WNT3A: variants seen among roughly 807,000 people sequenced by gnomAD.
WNT3A encodes the protein protein Wnt-3a.
In WNT3A, 17 loss-of-function variants were observed where a neutral mutation model predicts 37.0. That is an observed-to-expected ratio of 0.46 (90% CI 0.31 to 0.69). The LOEUF is 0.69. Among genes scored for constraint, WNT3A ranks in the 30% least tolerant of loss-of-function variants. WNT3A has a pLI of 0.05. For synonymous variants in WNT3A, 187 were observed against 211.0 expected, an observed-to-expected ratio of 0.89 and a Z score of 0.99; for missense variants, 411 against 510.2, an observed-to-expected ratio of 0.81 and a Z score of 1.87.
intron 2 of WNT3A, among the ~76,000 whole-genome samples, chr1:228,026,028 G>C (rs2030846954): frequency 6.6e-6 from 1 of 151,914 alleles, no homozygotes; most frequent in Non-Finnish European, 1.5e-5. Context: ...CAAAGTGCTG[G>C]GGTTACAGGC....
chr1:228,059,514 G>A lies in WNT3A; in HGVS notation c.*49G>A. The A allele has an allele frequency of 1.4e-5, 20 of 1,461,334 alleles. No individual in the cohort carries two copies. Among genetic ancestry groups the A allele is most frequent in the Non-Finnish European group, 1.8e-5 (20 of 1,114,056 alleles). The allele number at this position is 1,461,334 out of a possible 1,614,324, so 90.5% of individuals were successfully genotyped here. On this transcript the variant is annotated 3_prime_UTR_variant, in exon 4 of 4. Transcript: ENST00000284523. Reference sequence around the variant, plus strand: ...ACGGGGCGGGCCCTGCCTGAGGGTGGGCTTTTCCCTGGGTGGAGCAGGACT... The same window carrying A: ...ACGGGGCGGGCCCTGCCTGAGGGTGAGCTTTTCCCTGGGTGGAGCAGGACT...
chr1:228,030,085 TA>T (rs34498453), intron 2 of WNT3A, among the ~76,000 whole-genome samples: 25,589 of 151,216 alleles, frequency 0.17, 3,058 homozygotes, highest in African/African-American at 0.34. Context: ...ACCCTGTCTC[TA>T]AAAAAATATA....
At chr1:228,055,151 T>C (rs1337874030) in intron 3 of WNT3A, among the ~76,000 whole-genome samples, 4 of 65,456 alleles carry the variant, frequency 6.1e-5, no homozygotes, top group African/African-American at 2.2e-4. Flanking sequence ...TTTTGGAAAC[T>C]CCGTCCCAAA....
Position 228,059,738 on chromosome 1 carries a change from A to G in WNT3A, c.*273A>G. On this transcript the variant is annotated 3_prime_UTR_variant, in exon 4 of 4. Coordinates refer to ENST00000284523, the MANE Select transcript of WNT3A (RefSeq NM_033131.4). ...GCTCTGCGTTGGCTTCTCCCTGGGG[A>G]CGGGGCTCCCCTGGACAGAGGCGGG... The G allele has an allele frequency of 7.8e-7, 1 of 1,280,504 alleles. No homozygotes were observed. The highest frequency in any genetic ancestry group is 2.3e-5 in the South Asian group (1 of 43,138). The allele number at this position is 1,280,504 out of a possible 1,614,324, so 79.3% of individuals were successfully genotyped here.
At chr1:228,040,576 T>C (rs1220556015) in intron 2 of WNT3A, among the ~76,000 whole-genome samples, 1 of 152,096 alleles carries the variant, frequency 6.6e-6, no homozygotes, top group Non-Finnish European at 1.5e-5. Context: ...GCAAATGTTG[T>C]TCAACGTTTA....
intron 2 of WNT3A, among the ~76,000 whole-genome samples, chr1:228,025,011 C>T (rs966109872): frequency 3.4e-4 from 52 of 152,188 alleles, no homozygotes; most frequent in African/African-American, 1.3e-3. Context: ...TCTGTCCTGT[C>T]ACCAATACCA....
chr1:228,023,498 G>T (rs2102765675), intron 2 of WNT3A, among the ~76,000 whole-genome samples: 1 of 151,574 alleles, frequency 6.6e-6, no homozygotes, highest in Non-Finnish European at 1.5e-5. Flanking sequence ...AAGACACAGA[G>T]GAATAGAAAG....
intron 1 of WNT3A, among the ~76,000 whole-genome samples, chr1:228,014,024 G>A (rs537524308): frequency 7.2e-5 from 11 of 152,234 alleles, no homozygotes; most frequent in Non-Finnish European, 1.5e-4. Context: ...CTGTGCTGGA[G>A]CCAGAGGGGT....
chr1:228,010,690 A>G (rs1184219003), intron 1 of WNT3A, among the ~76,000 whole-genome samples: 3 of 152,174 alleles, frequency 2.0e-5, no homozygotes, highest in Non-Finnish European at 4.4e-5. Context: ...TGGCCACCCC[A>G]GTTGTCCCAG....
intron 3 of WNT3A, among the ~76,000 whole-genome samples, chr1:228,056,505 C>A (rs2031685289): frequency 1.3e-5 from 2 of 151,880 alleles, no homozygotes; most frequent in Admixed American, 6.6e-5. Context: ...TTGAGATACC[C>A]TCCCACAAGA....
intron 1 of WNT3A, among the ~76,000 whole-genome samples, chr1:228,012,072 T>G (rs931071572): frequency 6.6e-6 from 1 of 152,322 alleles, no homozygotes; most frequent in South Asian, 2.1e-4. Flanking sequence ...CGCATAAGCC[T>G]CCTAGAATCT....
Position 228,050,772 on chromosome 1 carries a change from G to C in WNT3A, c.430G>C (p.Gly144Arg). The C allele has an allele frequency of 6.2e-7, 1 of 1,614,146 alleles. No individual in the cohort carries two copies. Among genetic ancestry groups the C allele is most frequent in the Non-Finnish European group, 8.5e-7 (1 of 1,180,030 alleles). The change falls in exon 3 of 4, where the codon GGC becomes CGC. Residue 144 changes from glycine to arginine, a missense_variant. Coordinates refer to ENST00000284523, the MANE Select transcript of WNT3A (RefSeq NM_033131.4). The surrounding 1 kb of genome is among the most constrained non-coding windows in gnomAD (Gnocchi z 5.0). The stretch of plus-strand genomic sequence containing the variant: ...CTGTGGCTGCAGCAGCCGCCACCAG[G>C]GCTCACCAGGCAAGGGCTGGAAGTG... ...AICGCSSRHQGSPGKGWKWGG... is the reference protein window; with the variant it reads ...AICGCSSRHQRSPGKGWKWGG...
intron 2 of WNT3A, among the ~76,000 whole-genome samples, chr1:228,041,049 C>CT (rs397767394): frequency 6.0e-5 from 7 of 115,896 alleles, no homozygotes; most frequent in South Asian, 5.5e-4. Context: ...ATCTATCTAT[C>CT]ATCTATCTAT....
chr1:228,054,956 G>A (rs1240959217), intron 3 of WNT3A, among the ~76,000 whole-genome samples: 1 of 150,892 alleles, frequency 6.6e-6, no homozygotes, highest in Non-Finnish European at 1.5e-5. Flanking sequence ...CCAACATGGA[G>A]AATTCCCGTC....
intron 2 of WNT3A, among the ~76,000 whole-genome samples, chr1:228,034,554 T>C (rs74143621): frequency 0.019 from 2,863 of 152,312 alleles, 110 homozygotes; most frequent in African/African-American, 0.065. Context: ...GGATAGGATG[T>C]TAGCTGCAGG....
rs2031324059 is a variant in WNT3A at position 228,042,998 on chromosome 1, T to C, written c.314-7658T>C. 6.7e-6 allele frequency among the ~76,000 whole-genome samples: 1 copy of C among 149,608 alleles called. No individual in the cohort carries two copies. The highest frequency in any genetic ancestry group is 1.5e-5 in the Non-Finnish European group (1 of 67,652). Reference sequence around the variant, plus strand: ...ATGGTAGGTGGTGGTAGAGGATGTATGATAGGTAATGGATAGATGGATGGA... The same window carrying C: ...ATGGTAGGTGGTGGTAGAGGATGTACGATAGGTAATGGATAGATGGATGGA... On this transcript the variant is annotated intron_variant, in intron 2 of 3. Transcript: ENST00000284523. This position sits in a 1 kb window ranked among gnomAD's most constrained non-coding sequence, Gnocchi z 5.2.
intron 1 of WNT3A, among the ~76,000 whole-genome samples, chr1:228,010,949 T>A (rs1314787830): frequency 6.6e-6 from 1 of 152,140 alleles, no homozygotes; most frequent in African/African-American, 2.4e-5. Context: ...GCACAAGAGC[T>A]CAGCCCCTCC....
At chr1:228,027,071 G>A (rs1032977638) in intron 2 of WNT3A, among the ~76,000 whole-genome samples, 4 of 152,158 alleles carry the variant, frequency 2.6e-5, no homozygotes, top group African/African-American at 4.8e-5. Context: ...CTGACCTCCT[G>A]ACCTCAGGTG....
rs576833435 is a variant in WNT3A, at chr1:228,055,831, C to T, written c.580-3155C>T. Among the ~76,000 whole-genome samples, 3 of 152,334 alleles carry T rather than the reference C, an allele frequency of 2.0e-5. No individual in the cohort carries two copies. In the East Asian group the frequency reaches 5.8e-4, roughly 29 times the overall value. On this transcript the variant is annotated intron_variant, in intron 3 of 3. Coordinates refer to ENST00000284523, the MANE Select transcript of WNT3A (RefSeq NM_033131.4). ...CACTACCCAACTCTTTGTAGCCAGG[C>T]AGCAGCCTCTCCTTTCCCTGTTGCT...
Sources: gnomAD v4.1 joint callset for allele counts (sites outside exome capture counted in the v4.1 genomes callset) on GRCh38, gnomAD v4.1.1 for gene constraint, Gnocchi (gnomAD v3.1) non-coding constraint, MANE v1.5 for transcripts, NCBI Gene and HGNC (gene_info 2026-07-23, HGNC 2026-07-21) for gene names.